The following OR6J1 variants were observed in gnomAD, a reference collection of about 807,000 sequenced individuals.
OR6J1 encodes olfactory receptor family 6 subfamily J member 1.
For missense variants in OR6J1, 304 were observed against 166.8 expected, an observed-to-expected ratio of 1.82 and a Z score of -4.53; for synonymous variants, 109 against 70.0, an observed-to-expected ratio of 1.56 and a Z score of -2.78.
chr14:22,638,116 GCCC>G lies in OR6J1; in HGVS notation c.-27-3281_-27-3279del, dbSNP rs1366844716. 6.8e-5 allele frequency among the ~76,000 whole-genome samples: 6 copies of G among 88,468 alleles called. 1 individual carries two copies. The highest frequency in any genetic ancestry group is 4.4e-4 in the African/African-American group (6 of 13,610). The allele number at this position is 88,468 out of a possible 152,430, so 58.0% of individuals were successfully genotyped here. A position where few individuals can be genotyped will look rare whatever the true frequency, so the allele number is the denominator to read the frequency against. ...GGCCGCCCCTACTGGGAAGTGAGGAGCCCCTCTGCCCGGCCACGACCCCGTCTG... is the reference window on the plus strand; with the variant it reads ...GGCCGCCCCTACTGGGAAGTGAGGAGCTCTGCCCGGCCACGACCCCGTCTG... On this transcript the variant is annotated intron_variant, in intron 1 of 1. Coordinates refer to ENST00000540461, the MANE Select transcript of OR6J1 (RefSeq NM_001348233.2).
In OR6J1 at chr14:22,633,753, G is replaced by A; in HGVS notation, c.*15C>T. 1 of 654,202 alleles carries A rather than the reference G, an allele frequency of 1.5e-6. No individual in the cohort carries two copies. Among genetic ancestry groups the A allele is most frequent in the Non-Finnish European group, 2.7e-6 (1 of 364,204 alleles). The allele number at this position is 654,202 out of a possible 1,614,324, so 40.5% of individuals were successfully genotyped here. On this transcript the variant is annotated 3_prime_UTR_variant, in exon 2 of 2. Coordinates refer to ENST00000540461, the MANE Select transcript of OR6J1 (RefSeq NM_001348233.2). ...TTAGCTAGCTCACTCTTTCACTAAG[G>A]CAGCTCCTCTCTTTCTAACACTGGA...
chr14:22,643,444 C>A (rs1201000624), intron 1 of OR6J1, among the ~76,000 whole-genome samples: 1 of 151,702 alleles, frequency 6.6e-6, no homozygotes, highest in African/African-American at 2.4e-5. Context: ...TACAGGCACA[C>A]ACCACCATGC....
intron 1 of OR6J1, among the ~76,000 whole-genome samples, chr14:22,640,708 A>G (rs1369400188): frequency 6.6e-6 from 1 of 151,204 alleles, no homozygotes; most frequent in Non-Finnish European, 1.5e-5. Flanking sequence ...TTTCGTAGCT[A>G]TGGGATCTCA....
chr14:22,641,463 AAGAAAAAG>A (rs1462787265), intron 1 of OR6J1, among the ~76,000 whole-genome samples: 5 of 46,110 alleles, frequency 1.1e-4, no homozygotes, highest in African/African-American at 2.7e-4. Flanking sequence ...GAAAGAAAGA[AAGAAAAAG>A]AAAGAAAGGA....
intron 1 of OR6J1, among the ~76,000 whole-genome samples, chr14:22,639,448 G>C (rs1225546681): frequency 7.5e-6 from 1 of 133,830 alleles, no homozygotes; most frequent in African/African-American, 3.3e-5. Flanking sequence ...GAAGTGAGGA[G>C]CCCCTCTGCC....
chr14:22,632,903 G>A lies in OR6J1; in HGVS notation c.*865C>T, dbSNP rs1416529720. 1 of 152,212 alleles carries A rather than the reference G, an allele frequency of 6.6e-6. No individual in the cohort carries two copies. Among genetic ancestry groups the A allele is most frequent in the African/African-American group, 2.4e-5 (1 of 41,438 alleles). The allele number at this position is 152,212 out of a possible 1,614,324, so 9.4% of individuals were successfully genotyped here. A position where few individuals can be genotyped will look rare whatever the true frequency, so the allele number is the denominator to read the frequency against. ...TCAACTGCATTCTCTCTGAGGGGCA[G>A]ACTGGTTTCCTCTAATTATTCATCA... On this transcript the variant is annotated 3_prime_UTR_variant, in exon 2 of 2. Transcript: ENST00000540461.
rs150315042 is a variant in OR6J1, at chr14:22,633,223, C to T, written c.*545G>A. On this transcript the variant is annotated 3_prime_UTR_variant, in exon 2 of 2. Transcript: ENST00000540461. ...GGGAACAGGGCCATGTCTTACATAA[C>T]GACATGAGCATATTGGATATTATGA... is the stretch of plus-strand genomic sequence containing the variant. The T allele has an allele frequency of 4.6e-3, 717 of 154,486 alleles. 6 individuals carry two copies. Among genetic ancestry groups the T allele is most frequent in the African/African-American group, 0.016 (678 of 41,410 alleles). 9.6% of individuals were successfully genotyped at this position (154,486 alleles called of 1,614,324 possible).
rs1245133848 is a variant in OR6J1 at position 22,633,448 on chromosome 14, C to T, written c.*320G>A. ...GTTCAGGAAGGACTTCGTGTCAAGC[C>T]GATAGAACAGTTGTGTTCGGGATCC... is the stretch of plus-strand genomic sequence containing the variant. On this transcript the variant is annotated 3_prime_UTR_variant, in exon 2 of 2. Coordinates refer to ENST00000540461, the MANE Select transcript of OR6J1 (RefSeq NM_001348233.2). 1.9e-5 allele frequency: 5 copies of T among 258,010 alleles called. No homozygotes were observed. Among genetic ancestry groups the T allele is most frequent in the South Asian group, 9.8e-5 (1 of 10,186 alleles). The allele number at this position is 258,010 out of a possible 1,614,324, so 16.0% of individuals were successfully genotyped here. A position where few individuals can be genotyped will look rare whatever the true frequency, so the allele number is the denominator to read the frequency against.
intron 1 of OR6J1, among the ~76,000 whole-genome samples, chr14:22,637,023 G>C (rs1345163567): frequency 1.6e-5 from 2 of 125,276 alleles, no homozygotes; most frequent in East Asian, 2.1e-4. Context: ...GTCTCTGCCC[G>C]GCCGCCCATG....
intron 1 of OR6J1, among the ~76,000 whole-genome samples, chr14:22,636,102 A>G (rs534273297): frequency 6.6e-6 from 1 of 152,166 alleles, no homozygotes; most frequent in East Asian, 1.9e-4. Context: ...AGAAATAGAT[A>G]AGCAATCCAA....
rs2037630300 is a variant in OR6J1, at chr14:22,639,946, ATC to A, written c.-28+4150_-28+4151del. Among the ~76,000 whole-genome samples the A allele has an allele frequency of 4.4e-5, 6 of 136,064 alleles. 1 individual carries two copies. Among genetic ancestry groups the A allele is most frequent in the Non-Finnish European group, 6.3e-5 (4 of 63,686 alleles). 89.3% of individuals were successfully genotyped at this position (136,064 alleles called of 152,430 possible). A position where few individuals can be genotyped will look rare whatever the true frequency, so the allele number is the denominator to read the frequency against. ...CACTATTGTCCCATGACCCTGCCAA[ATC>A]CTCCTCTGTGAGAAACACCCAAGAA... On this transcript the variant is annotated intron_variant, in intron 1 of 1. Coordinates refer to ENST00000540461, the MANE Select transcript of OR6J1 (RefSeq NM_001348233.2).
At chr14:22,636,703 C>G (rs1435200893) in intron 1 of OR6J1, among the ~76,000 whole-genome samples, 5 of 116,640 alleles carry the variant, frequency 4.3e-5, no homozygotes, top group South Asian at 2.5e-4. Context: ...GACGGAGTCT[C>G]GTTCACTCAG....
chr14:22,643,758 CACACACAGAGAGAGAG>C (rs1174892507), intron 1 of OR6J1, among the ~76,000 whole-genome samples: 212 of 60,664 alleles, frequency 3.5e-3, no homozygotes, highest in African/African-American at 0.012. Context: ...CACACACACA[CACACACAGAGAGAGAG>C]AGAGAGAGAG....
At chr14:22,641,530 GGAAA>G (rs138556145) in intron 1 of OR6J1, among the ~76,000 whole-genome samples, 12 of 140,220 alleles carry the variant, frequency 8.6e-5, no homozygotes, top group South Asian at 2.2e-4. Context: ...GAAGAAAGAA[GGAAA>G]GAAAGAAGGA....
chr14:22,641,210 TAAGA>T (rs992658481), intron 1 of OR6J1, among the ~76,000 whole-genome samples: 4,102 of 122,164 alleles, frequency 0.034, 162 homozygotes, highest in Admixed American at 0.066. Context: ...GAGAGAAAGA[TAAGA>T]AAGAAAGAAA....
chr14:22,637,551 C>CCGCCAGGCCGGCCGCCCCG, intron 1 of OR6J1, among the ~76,000 whole-genome samples: 1 of 37,292 alleles, frequency 2.7e-5, no homozygotes, highest in African/African-American at 2.1e-4. Flanking sequence ...GGTCAGCCCC[C>CCGCCAGGCCGGCCGCCCCG]TGCCCGGCCA....
rs2037559947 is a variant in OR6J1, at chr14:22,633,366, G to A, written c.*402C>T. On this transcript the variant is annotated 3_prime_UTR_variant, in exon 2 of 2. Coordinates refer to ENST00000540461, the MANE Select transcript of OR6J1 (RefSeq NM_001348233.2). ...TGATAGTGGATTAGAGAATAATGAAGGTTATTTCTAAAAAGATCCTGCAGA... is the reference window on the plus strand; with the variant it reads ...TGATAGTGGATTAGAGAATAATGAAAGTTATTTCTAAAAAGATCCTGCAGA... 5.8e-6 allele frequency: 1 copy of A among 171,604 alleles called. No homozygotes were observed. The highest frequency in any genetic ancestry group is 1.6e-4 in the South Asian group (1 of 6,260). The allele number at this position is 171,604 out of a possible 1,614,324, so 10.6% of individuals were successfully genotyped here. A position where few individuals can be genotyped will look rare whatever the true frequency, so the allele number is the denominator to read the frequency against.
chr14:22,638,650 A>T (rs1483063475), intron 1 of OR6J1, among the ~76,000 whole-genome samples: 3 of 44,974 alleles, frequency 6.7e-5, no homozygotes, highest in Non-Finnish European at 1.2e-4. Flanking sequence ...AATGATCAAT[A>T]AAAAAAATAA....
chr14:22,642,487 G>A (rs1274772862), intron 1 of OR6J1, among the ~76,000 whole-genome samples: 1 of 151,260 alleles, frequency 6.6e-6, no homozygotes, highest in African/African-American at 2.4e-5. Flanking sequence ...TTACAGGCGT[G>A]TGCCACCATG....
Sources: allele counts gnomAD v4.1 joint callset (sites outside exome capture counted in the v4.1 genomes callset), GRCh38; gene constraint gnomAD v4.1.1; transcripts MANE v1.5; gene names NCBI Gene and HGNC (gene_info 2026-07-23, HGNC 2026-07-21).